INPP4B: variants seen among roughly 807,000 people sequenced by gnomAD.
INPP4B encodes the protein inositol polyphosphate 4-phosphatase type II.
A neutral mutation model predicts 122.5 loss-of-function variants in INPP4B; 55 were observed. The observed-to-expected ratio is 0.45, with a 90% CI of 0.36 to 0.56. INPP4B has a LOEUF of 0.56. Among genes scored for constraint, INPP4B ranks in the 20% least tolerant of loss-of-function variants. The pLI is 0.00. For synonymous variants in INPP4B, 403 were observed against 388.7 expected (o/e 1.04, Z -0.43); for missense variants, 1,000 against 1,097.7 (o/e 0.91, Z 1.26).
intron 8 of INPP4B, among the ~76,000 whole-genome samples, chr4:142,314,328 A>G (rs925609548): frequency 7.9e-5 from 12 of 152,146 alleles, no homozygotes; most frequent in African/African-American, 2.9e-4. Context: ...AAGTGGCAGG[A>G]AACAGAAAAT....
chr4:142,464,708 CAAAACAG>C (rs1817429766), intron 2 of INPP4B, among the ~76,000 whole-genome samples: 1 of 151,944 alleles, frequency 6.6e-6, no homozygotes, highest in South Asian at 2.1e-4. Context: ...CTACTAAACT[CAAAACAG>C]AAAATAATAT....
At chr4:142,123,603 C>A (rs1462083683) in intron 19 of INPP4B, among the ~76,000 whole-genome samples, 188 bp from the exon 20 acceptor site, 1 of 151,998 alleles carries the variant, frequency 6.6e-6, no homozygotes, top group Non-Finnish European at 1.5e-5. Flanking sequence ...GTATAAAAGT[C>A]TTGGGGAAGG....
intron 2 of INPP4B, among the ~76,000 whole-genome samples, chr4:142,520,939 G>A (rs1344393176): frequency 6.6e-6 from 1 of 151,850 alleles, no homozygotes; most frequent in East Asian, 1.9e-4. Context: ...CCTTAGATTT[G>A]CTTTTTAGTG....
intron 7 of INPP4B, among the ~76,000 whole-genome samples, chr4:142,354,100 A>T (rs572284296): frequency 6.6e-6 from 1 of 152,120 alleles, no homozygotes; most frequent in Admixed American, 6.6e-5. Flanking sequence ...GCATACAACC[A>T]GTCAGCTGCA....
At chr4:142,303,215 G>A (rs1333991069) in intron 9 of INPP4B, among the ~76,000 whole-genome samples, 1 of 152,050 alleles carries the variant, frequency 6.6e-6, no homozygotes, top group African/African-American at 2.4e-5. Flanking sequence ...GTGCTCGGTC[G>A]AATTAGTTTG....
At chr4:142,715,640 G>A (rs943580455) in intron 2 of INPP4B, among the ~76,000 whole-genome samples, 5 of 152,230 alleles carry the variant, frequency 3.3e-5, no homozygotes, top group Non-Finnish European at 7.3e-5. Context: ...ACCAGGTAGA[G>A]CAGGGTCTGA....
intron 25 of INPP4B, among the ~76,000 whole-genome samples, chr4:142,053,349 A>T (rs2152402444): frequency 6.6e-6 from 1 of 152,226 alleles, no homozygotes; most frequent in South Asian, 2.1e-4. Context: ...GGCTTCCAGA[A>T]GGCAATGAGG....
intron 7 of INPP4B, among the ~76,000 whole-genome samples, chr4:142,366,408 G>C (rs2148627948): frequency 6.6e-6 from 1 of 151,548 alleles, no homozygotes; most frequent in East Asian, 1.9e-4. Flanking sequence ...AAGAATAAAT[G>C]GCTCTAATAA....
At chr4:142,768,374 T>A (rs1320381923) in intron 1 of INPP4B, among the ~76,000 whole-genome samples, 1 of 152,132 alleles carries the variant, frequency 6.6e-6, no homozygotes, top group Non-Finnish European at 1.5e-5. Flanking sequence ...GATAAACGTA[T>A]ATATTGGGTG....
rs117857980 is a variant in INPP4B, at chr4:142,781,306, T to G, written c.-253-55405A>C. 2.3e-3 allele frequency among the ~76,000 whole-genome samples: 349 copies of G among 152,332 alleles called. 5 individuals carry two copies. In the East Asian group the frequency reaches 0.05, roughly 22 times the overall value. On this transcript the variant is annotated intron_variant, in intron 1 of 25. Transcript: ENST00000262992. ...CCTGTCCACATGTTTCCTCTGCTGA[T>G]GAGTCATCTTTCAAGTGTCGATCCT... is the stretch of plus-strand genomic sequence containing the variant.
chr4:142,467,329 A>T (rs1817973122), intron 2 of INPP4B, among the ~76,000 whole-genome samples: 1 of 152,182 alleles, frequency 6.6e-6, no homozygotes, highest in African/African-American at 2.4e-5. Context: ...AGGCCATGAG[A>T]GTCCAGCCCT....
chr4:142,749,737 A>C (rs1230103110), intron 1 of INPP4B, among the ~76,000 whole-genome samples: 1 of 152,056 alleles, frequency 6.6e-6, no homozygotes, highest in African/African-American at 2.4e-5. Context: ...ATTATATAAA[A>C]ATAATATTAA....
chr4:142,679,480 T>A (rs1758282156), intron 2 of INPP4B, among the ~76,000 whole-genome samples: 1 of 151,908 alleles, frequency 6.6e-6, no homozygotes, highest in Non-Finnish European at 1.5e-5. Flanking sequence ...TAGAGTTTTT[T>A]AAAATTATGT....
At chr4:142,607,681 T>C (rs1308217633) in intron 2 of INPP4B, among the ~76,000 whole-genome samples, 2 of 152,184 alleles carry the variant, frequency 1.3e-5, no homozygotes, top group Non-Finnish European at 2.9e-5. Context: ...GTACTTTCAA[T>C]TTTATTTTGC....
chr4:142,723,950 C>T (rs1765020335), intron 2 of INPP4B, among the ~76,000 whole-genome samples: 1 of 152,094 alleles, frequency 6.6e-6, no homozygotes. Flanking sequence ...CCATAGTTCT[C>T]CCATCCCTAG....
intron 1 of INPP4B, among the ~76,000 whole-genome samples, chr4:142,773,546 A>G (rs1773411941): frequency 6.6e-6 from 1 of 152,220 alleles, no homozygotes; most frequent in African/African-American, 2.4e-5. Flanking sequence ...GAGATTTACT[A>G]TCTACAAGCT....
intron 23 of INPP4B, among the ~76,000 whole-genome samples, chr4:142,091,256 T>C (rs769172286): frequency 6.6e-6 from 1 of 152,204 alleles, no homozygotes; most frequent in Non-Finnish European, 1.5e-5. Context: ...AAAACAGCAC[T>C]GAGCCAAGAT....
In INPP4B at chr4:142,112,541, C is replaced by A. The variant is rs1281426631; in HGVS notation, c.2276+1G>T. 6.2e-7 allele frequency: 1 copy of A among 1,612,706 alleles called. No individual in the cohort carries two copies. Among genetic ancestry groups the A allele is most frequent in the East Asian group, 2.2e-5 (1 of 44,764 alleles). ...AGTGCGACTCTTACACCAAAGCTTA[C>A]CTTTCAGCCAGAGTTTGCTGTTCAT... On this transcript the variant is annotated splice_donor_variant, in intron 22 of 25. Coordinates refer to ENST00000262992, the MANE Select transcript of INPP4B (RefSeq NM_001101669.3). LOFTEE classifies it high-confidence loss of function.
chr4:142,521,797 T>C (rs528231029), intron 2 of INPP4B, among the ~76,000 whole-genome samples: 3 of 152,274 alleles, frequency 2.0e-5, no homozygotes, highest in African/African-American at 7.2e-5. Flanking sequence ...TAACTAGTCT[T>C]ACTAGTCTTA....
Sources: allele counts gnomAD v4.1 joint callset (sites outside exome capture counted in the v4.1 genomes callset), GRCh38; gene constraint gnomAD v4.1.1; transcripts MANE v1.5; gene names NCBI Gene and HGNC (gene_info 2026-07-23, HGNC 2026-07-21).